The following TCF12 variants were observed in gnomAD, a reference collection of about 807,000 sequenced individuals.
The protein encoded by TCF12 is transcription factor 12.
TCF12 carries 45 observed loss-of-function variants against 86.0 expected under a neutral mutation model. The observed-to-expected ratio is 0.52, with a 90% CI of 0.41 to 0.67. The LOEUF (loss-of-function observed/expected upper bound fraction) is 0.67, where lower values mean the gene tolerates loss of function less well. Among genes scored for constraint, TCF12 ranks in the 30% least tolerant of loss-of-function variants. The pLI, the probability that TCF12 is intolerant of heterozygous loss-of-function variation, is 0.00. For missense variants in TCF12, 881 were observed against 859.9 expected (o/e 1.02, Z -0.31); for synonymous variants, 330 against 299.6 (o/e 1.10, Z -1.05).
In TCF12 at chr15:57,233,664, A is replaced by G. The variant is rs28522599; in HGVS notation, c.971-379A>G. 4.7e-3 allele frequency among the ~76,000 whole-genome samples: 718 copies of G among 152,122 alleles called. 5 individuals are homozygous for G. The highest frequency in any genetic ancestry group is 0.016 in the African/African-American group (677 of 41,484). Reference sequence around the variant, plus strand: ...AGCTAATTTTCCATTTTTAGCAGAGATGGGGTTTGTCCACATTTCTCAGAC... The same window carrying G: ...AGCTAATTTTCCATTTTTAGCAGAGGTGGGGTTTGTCCACATTTCTCAGAC... On this transcript the variant is annotated intron_variant, in intron 11 of 20. Coordinates refer to ENST00000333725, the MANE Select transcript of TCF12 (RefSeq NM_207037.2).
intron 3 of TCF12, among the ~76,000 whole-genome samples, chr15:56,922,541 G>A (rs1194925220): frequency 1.3e-5 from 2 of 151,926 alleles, no homozygotes; most frequent in Non-Finnish European, 2.9e-5. Flanking sequence ...GCAATTTTTG[G>A]ACTTCAGTAC....
intron 4 of TCF12, among the ~76,000 whole-genome samples, chr15:57,090,940 C>A (rs2048955622): frequency 6.6e-6 from 1 of 152,136 alleles, no homozygotes; most frequent in African/African-American, 2.4e-5. Context: ...GGTTTCATCA[C>A]GTAGTAATTT....
At chr15:57,255,394 G>A (rs118039416) in intron 16 of TCF12, among the ~76,000 whole-genome samples, 1 of 152,282 alleles carries the variant, frequency 6.6e-6, no homozygotes, top group East Asian at 1.9e-4. Context: ...AACTAAGAAA[G>A]TAGCTCCTAC....
intron 3 of TCF12, among the ~76,000 whole-genome samples, chr15:56,933,649 G>A (rs2060342863): frequency 6.6e-6 from 1 of 152,086 alleles, no homozygotes; most frequent in Non-Finnish European, 1.5e-5. Flanking sequence ...TTGTGATAAT[G>A]AGCAGATTAA....
chr15:57,060,779 C>G (rs1216814083), intron 3 of TCF12, among the ~76,000 whole-genome samples: 3 of 152,140 alleles, frequency 2.0e-5, no homozygotes, highest in East Asian at 1.9e-4. Flanking sequence ...TGTATAATAT[C>G]TGTGTTAAGT....
At chr15:57,098,009 C>CAAAAA (rs72046243) in intron 5 of TCF12, among the ~76,000 whole-genome samples, 1 of 48,410 alleles carries the variant, frequency 2.1e-5, no homozygotes, top group Non-Finnish European at 3.5e-5. Flanking sequence ...TACAAAAATA[C>CAAAAA]AAAAAAAAAA....
At chr15:56,977,563 GTA>G (rs1491212907) in intron 3 of TCF12, among the ~76,000 whole-genome samples, 11,452 of 148,434 alleles carry the variant, frequency 0.077, 727 homozygotes, top group Admixed American at 0.2. Context: ...GTGTGTGTGT[GTA>G]TGTATGTGTG....
In TCF12 at chr15:57,191,909, G is replaced by C. The variant is rs146181482; in HGVS notation, c.391-249G>C. ...AGATCTTACCACTACACTCCAGCCT[G>C]GGCAAATAAGTGAGACTCCATCTCA... On this transcript the variant is annotated intron_variant, in intron 6 of 20. Transcript: ENST00000333725. Among the ~76,000 whole-genome samples, 58 of 151,784 alleles carry C rather than the reference G, an allele frequency of 3.8e-4. 1 individual carries two copies. In the East Asian group the frequency reaches 0.011, roughly 29 times the overall value.
At chr15:57,290,487 A>G (rs1026181692), downstream of TCF12, among the ~76,000 whole-genome samples, 16 of 152,300 alleles carry the variant, frequency 1.1e-4, no homozygotes, top group Admixed American at 8.5e-4. Context: ...TGTACCTGTG[A>G]AAAACAAAAG....
At chr15:57,237,810 A>G (rs1461509023) in intron 12 of TCF12, among the ~76,000 whole-genome samples, 3 of 152,206 alleles carry the variant, frequency 2.0e-5, no homozygotes, top group African/African-American at 7.2e-5. Flanking sequence ...TTTTTATAGA[A>G]TAAGTATGAT....
At chr15:57,167,874 C>T (rs2055018043) in intron 6 of TCF12, among the ~76,000 whole-genome samples, 1 of 152,032 alleles carries the variant, frequency 6.6e-6, no homozygotes, top group South Asian at 2.1e-4. Flanking sequence ...TTATTTTATT[C>T]TAGTCATTTA....
intron 12 of TCF12, among the ~76,000 whole-genome samples, chr15:57,240,282 G>T (rs774983609): frequency 3.3e-5 from 5 of 152,044 alleles, no homozygotes; most frequent in Middle Eastern, 3.2e-3. Context: ...ATTTTACCAT[G>T]GGAAAGGATA....
At chr15:56,990,151 C>CTTTTTT (rs372235874) in intron 3 of TCF12, among the ~76,000 whole-genome samples, 1,912 of 92,454 alleles carry the variant, frequency 0.021, 36 homozygotes, top group Non-Finnish European at 0.032. Flanking sequence ...ATAGTCTTGT[C>CTTTTTT]TTTTTTTTTT....
At chr15:56,963,143 T>C (rs1406257328) in intron 3 of TCF12, among the ~76,000 whole-genome samples, 1 of 151,986 alleles carries the variant, frequency 6.6e-6, no homozygotes, top group African/African-American at 2.4e-5. Context: ...CCTTTTCTAT[T>C]ATAGTACTTG....
At chr15:57,032,865 A>G (rs1302471741) in intron 3 of TCF12, among the ~76,000 whole-genome samples, 1 of 152,264 alleles carries the variant, frequency 6.6e-6, no homozygotes, top group Admixed American at 6.5e-5. Flanking sequence ...CAGTGACAAG[A>G]TAATATTAAT....
intron 4 of TCF12, among the ~76,000 whole-genome samples, chr15:57,072,489 T>C (rs547216491): frequency 6.6e-6 from 1 of 152,328 alleles, no homozygotes; most frequent in African/African-American, 2.4e-5. Context: ...TAGTGTTACT[T>C]TTTCTTCTCT....
At chr15:57,219,721 T>TTA in intron 8 of TCF12, 1 of 105,414 alleles carries the variant, frequency 9.5e-6, no homozygotes. Flanking sequence ...TGTAGATTTC[T>TTA]TTTTTTTTTT....
rs1420547496 is a variant in TCF12 at position 57,141,348 on chromosome 15, G to A, written c.326-25054G>A. Reference sequence around the variant, plus strand: ...GGCATTAACTAACCATTCCCCACTCGCTGTTTGATTGATTGATTGAGATGG... The same window carrying A: ...GGCATTAACTAACCATTCCCCACTCACTGTTTGATTGATTGATTGAGATGG... On this transcript the variant is annotated intron_variant, in intron 5 of 20. Coordinates refer to ENST00000333725, the MANE Select transcript of TCF12 (RefSeq NM_207037.2). 3.3e-5 allele frequency among the ~76,000 whole-genome samples: 5 copies of A among 152,118 alleles called. 1 individual carries two copies. In the South Asian group the frequency reaches 6.2e-4, roughly 19 times the overall value.
intron 7 of TCF12, among the ~76,000 whole-genome samples, chr15:57,192,778 A>C (rs1238328645): frequency 1.3e-5 from 2 of 152,226 alleles, no homozygotes; most frequent in African/African-American, 4.8e-5. Flanking sequence ...CATCCATTAA[A>C]TATTTAATAA....
Sources: allele counts gnomAD v4.1 joint callset (sites outside exome capture counted in the v4.1 genomes callset), GRCh38; gene constraint gnomAD v4.1.1; transcripts MANE v1.5; gene names NCBI Gene and HGNC (gene_info 2026-07-23, HGNC 2026-07-21).